Variants in SATL1 observed in about 807,000 individuals in gnomAD.
The protein encoded by SATL1 is spermidine/spermine N1-acetyl transferase like 1, also known as spermidine/spermine N(1)-acetyltransferase-like protein 1.
SATL1 carries 47 observed loss-of-function variants against 51.8 expected under a neutral mutation model. The observed-to-expected ratio is 0.91, with a 90% confidence interval of 0.72 to 1.16. The LOEUF is 1.16. Ranked by LOEUF, SATL1 falls within the 50% of genes most tolerant of loss-of-function variation. SATL1 has a pLI of 0.00. For synonymous variants in SATL1, 176 were observed against 182.4 expected, an observed-to-expected ratio of 0.97 and a Z score of 0.28; for missense variants, 520 against 526.4, an observed-to-expected ratio of 0.99 and a Z score of 0.12.
chrX:85,160,709 G>T (rs1342541956), intron 2 of SATL1, among the ~76,000 whole-genome samples: 3 of 110,039 alleles, frequency 2.7e-5, no homozygotes, highest in African/African-American at 1.0e-4. Flanking sequence ...TGACTCACTG[G>T]TGTCCCTGAA....
chrX:85,191,358 T>C (rs1250106517), intron 2 of SATL1, among the ~76,000 whole-genome samples: 1 of 111,680 alleles, frequency 9.0e-6, no homozygotes, highest in Non-Finnish European at 1.9e-5. Context: ...ATCCATCACA[T>C]CAAACTATTA....
At chrX:85,095,045 G>C (rs761435581) in intron 4 of SATL1, 49 bp from the exon 5 acceptor site, 2 of 697,146 alleles carry the variant, frequency 2.9e-6, no homozygotes, top group Non-Finnish European at 4.5e-6. Context: ...ATAGCAGAGA[G>C]AAGGAGATGG....
At chrX:85,192,236 T>G (rs779991791) in intron 2 of SATL1, among the ~76,000 whole-genome samples, 2 of 112,014 alleles carry the variant, frequency 1.8e-5, no homozygotes, top group Admixed American at 1.9e-4. Context: ...GGATCCAGCA[T>G]GACCTTTCCA....
intron 2 of SATL1, among the ~76,000 whole-genome samples, chrX:85,160,359 A>G (rs190304841): frequency 3.5e-4 from 39 of 111,151 alleles, no homozygotes; most frequent in African/African-American, 1.2e-3. Context: ...CAGAAATAGA[A>G]TTCAGAATAT....
At chrX:85,166,915 G>GTATATATATATA (rs749160963) in intron 2 of SATL1, among the ~76,000 whole-genome samples, 1 of 84,213 alleles carries the variant, frequency 1.2e-5, no homozygotes, top group Non-Finnish European at 2.2e-5. Flanking sequence ...AGAAAATGGG[G>GTATATATATATA]TATATATATA....
At chrX:85,214,741 A>G (rs757711494) in intron 2 of SATL1, among the ~76,000 whole-genome samples, 21 of 111,668 alleles carry the variant, frequency 1.9e-4, no homozygotes, top group East Asian at 5.7e-4. Context: ...TCCCATTCCA[A>G]AAGGGAGAAA....
chrX:85,123,333 G>A (rs1925548542), intron 2 of SATL1, among the ~76,000 whole-genome samples: 1 of 110,498 alleles, frequency 9.0e-6, no homozygotes, highest in African/African-American at 3.3e-5. Context: ...GTTATTTTTT[G>A]ATTTTTTAAT....
intron 1 of SATL1, among the ~76,000 whole-genome samples, chrX:85,235,093 A>T (rs1378795080): frequency 2.7e-5 from 3 of 111,572 alleles, no homozygotes; most frequent in Admixed American, 1.9e-4. Context: ...GACAAAATAG[A>T]TTTTAAGACA....
intron 2 of SATL1, among the ~76,000 whole-genome samples, chrX:85,204,411 T>C (rs781017088): frequency 6.9e-4 from 78 of 112,336 alleles, no homozygotes; most frequent in Non-Finnish European, 1.1e-3. Context: ...ACTCCTCCCA[T>C]TTATATATAC....
chrX:85,107,040 A>C (rs965441967), intron 3 of SATL1, among the ~76,000 whole-genome samples: 1 of 111,872 alleles, frequency 8.9e-6, no homozygotes, highest in Non-Finnish European at 1.9e-5. Context: ...AGTCCCTAAA[A>C]TTTCCAGGAA....
intron 2 of SATL1, among the ~76,000 whole-genome samples, chrX:85,142,179 G>A (rs1484133133): frequency 9.4e-5 from 10 of 106,851 alleles, no homozygotes; most frequent in African/African-American, 2.7e-4. Flanking sequence ...GGTGGAACAC[G>A]AGGTTAGGAG....
rs186287167 is a variant in SATL1 at position 85,200,339 on chromosome X, A to T, written c.-313+23866T>A. 1.1e-4 allele frequency among the ~76,000 whole-genome samples: 12 copies of T among 112,237 alleles called. No individual in the cohort carries two copies. In the East Asian group the frequency reaches 3.3e-3, roughly 31 times the overall value. On this transcript the variant is annotated intron_variant, in intron 2 of 7. Coordinates refer to ENST00000644105, the MANE Select transcript of SATL1 (RefSeq NM_001367857.2). ...TGCTCAATAAAAAATGACATAAATA[A>T]TTGAAGAAGTGACATCCCTTTATTG...
intron 2 of SATL1, among the ~76,000 whole-genome samples, chrX:85,163,122 C>A (rs978898632): frequency 2.7e-5 from 3 of 110,077 alleles, no homozygotes; most frequent in Admixed American, 9.7e-5. Flanking sequence ...AGGATTGGTA[C>A]CAATTATTTT....
chrX:85,236,873 T>C lies in SATL1; in HGVS notation c.-435+6715A>G, dbSNP rs1016713651. ...ACAAAATAAATAAAGGGCATCTGAA[T>C]TTAAAAGGAAGAAGTCAAATTATCC... On this transcript the variant is annotated intron_variant, in intron 1 of 7. Coordinates refer to ENST00000644105, the MANE Select transcript of SATL1 (RefSeq NM_001367857.2). 3.6e-5 allele frequency among the ~76,000 whole-genome samples: 4 copies of C among 111,555 alleles called. No individual in the cohort carries two copies. The Admixed American group carries it at 3.8e-4, about 11-fold the overall frequency.
At chrX:85,124,312 T>C (rs1487468572) in intron 2 of SATL1, among the ~76,000 whole-genome samples, 1 of 112,021 alleles carries the variant, frequency 8.9e-6, no homozygotes, top group Non-Finnish European at 1.9e-5. Context: ...GAGCATTAGC[T>C]TTGAAGTCAA....
chrX:85,193,151 A>G (rs752883988), intron 2 of SATL1, among the ~76,000 whole-genome samples: 1 of 111,947 alleles, frequency 8.9e-6, no homozygotes, highest in African/African-American at 3.2e-5. Flanking sequence ...TGATTACCTA[A>G]TTGATTCCTG....
At chrX:85,141,853 C>T (rs182240812) in intron 2 of SATL1, among the ~76,000 whole-genome samples, 1 of 108,272 alleles carries the variant, frequency 9.2e-6, no homozygotes, top group Non-Finnish European at 1.9e-5. Flanking sequence ...TATCTTATTT[C>T]TTACTAAAAA....
intron 4 of SATL1, among the ~76,000 whole-genome samples, chrX:85,096,197 G>C: frequency 9.0e-6 from 1 of 110,653 alleles, no homozygotes; most frequent in Non-Finnish European, 1.9e-5. Context: ...AAATAATATA[G>C]ATATAAATTT....
intron 2 of SATL1, among the ~76,000 whole-genome samples, chrX:85,197,438 T>C (rs1927590501): frequency 1.8e-5 from 2 of 111,334 alleles, no homozygotes; most frequent in Non-Finnish European, 3.8e-5. Context: ...TTGTTGGCTG[T>C]AGTCACTCTG....
Sources: gnomAD v4.1 joint callset for allele counts (sites outside exome capture counted in the v4.1 genomes callset) on GRCh38, gnomAD v4.1.1 for gene constraint, MANE v1.5 for transcripts, NCBI Gene and HGNC (gene_info 2026-07-23, HGNC 2026-07-21) for gene names.